CERT1: variants seen among roughly 807,000 people sequenced by gnomAD.
CERT1 encodes ceramide transporter 1.
A neutral mutation model predicts 87.9 loss-of-function variants in CERT1; 31 were observed. That is an observed-to-expected ratio of 0.35 (90% CI 0.27 to 0.48). The LOEUF is 0.48. Among genes scored for constraint, CERT1 ranks in the 20% least tolerant of loss-of-function variants. CERT1 has a pLI of 0.99. For missense variants in CERT1, 487 were observed against 758.0 expected (o/e 0.64, Z 4.20); for synonymous variants, 289 against 250.9 (o/e 1.15, Z -1.44).
chr5:75,457,307 T>A (rs1765025036), intron 3 of CERT1, among the ~76,000 whole-genome samples: 1 of 152,206 alleles, frequency 6.6e-6, no homozygotes, highest in Non-Finnish European at 1.5e-5. Flanking sequence ...ATCTCATTTA[T>A]GTCTTACTAC....
At chr5:75,370,627 C>G (rs927453817) in intron 17 of CERT1, 2 of 151,968 alleles carry the variant, frequency 1.3e-5, no homozygotes, top group Non-Finnish European at 2.9e-5. Flanking sequence ...ATGTCATGTA[C>G]TTGATATATT....
chr5:75,393,485 A>C (rs1482238493), intron 11 of CERT1, among the ~76,000 whole-genome samples: 3 of 151,370 alleles, frequency 2.0e-5, no homozygotes, highest in Non-Finnish European at 4.4e-5. Context: ...TGATAGTACA[A>C]TAAAAGTCTA....
intron 3 of CERT1, among the ~76,000 whole-genome samples, chr5:75,429,007 A>C (rs72633967): frequency 0.12 from 18,798 of 151,714 alleles, 1,292 homozygotes; most frequent in East Asian, 0.23. Context: ...TAAGTGACAG[A>C]AATTCAATGT....
chr5:75,437,660 G>T (rs1012631967), intron 3 of CERT1, among the ~76,000 whole-genome samples: 1 of 151,610 alleles, frequency 6.6e-6, no homozygotes, highest in Admixed American at 6.6e-5. Flanking sequence ...CAGCTACTTG[G>T]GAGGCTGAGG....
intron 3 of CERT1, among the ~76,000 whole-genome samples, chr5:75,437,143 C>A (rs1020754355): frequency 1.1e-4 from 16 of 152,110 alleles, no homozygotes; most frequent in Non-Finnish European, 2.4e-4. Context: ...ATTAATGAGT[C>A]TTAAACAGAG....
intron 11 of CERT1, among the ~76,000 whole-genome samples, chr5:75,395,124 T>G (rs1762193279): frequency 1.3e-5 from 2 of 152,296 alleles, no homozygotes; most frequent in South Asian, 4.1e-4. Flanking sequence ...TCCCCATAGA[T>G]TAAGCTGCAA....
chr5:75,474,049 A>G (rs1765841871), intron 2 of CERT1, among the ~76,000 whole-genome samples: 1 of 152,200 alleles, frequency 6.6e-6, no homozygotes, highest in Non-Finnish European at 1.5e-5. Context: ...CCAAAACTGG[A>G]CATGGGCCTG....
At chr5:75,387,044 T>A (rs1245196665) in intron 12 of CERT1, among the ~76,000 whole-genome samples, 3 of 152,120 alleles carry the variant, frequency 2.0e-5, no homozygotes, top group Non-Finnish European at 2.9e-5. Flanking sequence ...ATTTTTGGTA[T>A]TTTTAGTAGA....
chr5:75,479,155 T>G (rs577160724), intron 2 of CERT1, among the ~76,000 whole-genome samples: 2 of 152,126 alleles, frequency 1.3e-5, no homozygotes, highest in African/African-American at 2.4e-5. Context: ...TGCTAGCTGA[T>G]AAACTCTGCA....
At chr5:75,453,150 G>A (rs1580791623) in intron 3 of CERT1, among the ~76,000 whole-genome samples, 2 of 152,244 alleles carry the variant, frequency 1.3e-5, no homozygotes, top group Admixed American at 1.3e-4. Context: ...TTCTAGAATG[G>A]ATGCCAAGGA....
intron 3 of CERT1, among the ~76,000 whole-genome samples, chr5:75,428,554 T>A (rs1302781399): frequency 6.6e-6 from 1 of 151,940 alleles, no homozygotes; most frequent in Non-Finnish European, 1.5e-5. Flanking sequence ...GGCGGGCGCC[T>A]GTAGTCCCAG....
At chr5:75,434,660 T>C (rs1764015730) in intron 3 of CERT1, among the ~76,000 whole-genome samples, 1 of 151,860 alleles carries the variant, frequency 6.6e-6, no homozygotes, top group African/African-American at 2.4e-5. Flanking sequence ...TTTTAATTAC[T>C]GATTCCATTT....
chr5:75,452,841 C>A (rs1764819138), intron 3 of CERT1, among the ~76,000 whole-genome samples: 1 of 152,126 alleles, frequency 6.6e-6, no homozygotes, highest in South Asian at 2.1e-4. Flanking sequence ...AAAACCCTAT[C>A]TTTAAAAATA....
chr5:75,428,259 A>C (rs553606699), intron 3 of CERT1, among the ~76,000 whole-genome samples: 1 of 152,268 alleles, frequency 6.6e-6, no homozygotes, highest in East Asian at 1.9e-4. Context: ...ATTTACCTTA[A>C]CTTTAATATT....
At chr5:75,462,105 T>A (rs920352978) in intron 2 of CERT1, among the ~76,000 whole-genome samples, 1 of 152,210 alleles carries the variant, frequency 6.6e-6, no homozygotes, top group African/African-American at 2.4e-5. Context: ...AATTTTGTGA[T>A]TGAGGTAAGT....
intron 3 of CERT1, among the ~76,000 whole-genome samples, chr5:75,452,133 G>C (rs1277245570): frequency 1.3e-5 from 2 of 152,132 alleles, no homozygotes; most frequent in African/African-American, 2.4e-5. Context: ...ACATGAATTT[G>C]GCCTTCACAA....
chr5:75,495,790 T>G (rs993473511), intron 2 of CERT1, among the ~76,000 whole-genome samples: 1 of 151,794 alleles, frequency 6.6e-6, no homozygotes, highest in Admixed American at 6.6e-5. Flanking sequence ...TAGAAAAAAG[T>G]AAATAATAAT....
rs749961490 is a variant in CERT1, at chr5:75,426,470, A to G, written c.357T>C (p.Ser119=). ...GCAAGCTGGATTCAGATCCATATCCAGATTCAGTCTAAAAAAAAAAGTAAA... is the reference window on the plus strand; with the variant it reads ...GCAAGCTGGATTCAGATCCATATCCGGATTCAGTCTAAAAAAAAAAGTAAA... ...IDAIEQHKTE[S]GYGSESSLRR... The change falls in exon 4 of 17, where the codon TCT becomes TCC. Residue 119 remains serine, a synonymous_variant. Coordinates refer to ENST00000643780, the MANE Select transcript of CERT1 (RefSeq NM_001379029.1). 6.2e-7 allele frequency: 1 copy of G among 1,608,454 alleles called. No individual in the cohort carries two copies. The highest frequency in any genetic ancestry group is 2.2e-5 in the East Asian group (1 of 44,840).
exon 18 of CERT1, chr5:75,368,515 C>T (rs772162845): frequency 5.3e-5 from 8 of 152,218 alleles, no homozygotes; most frequent in African/African-American, 9.6e-5. Context: ...GCTTTATTTC[C>T]TCAGTGGTCA....
Sources: gnomAD v4.1 joint callset for allele counts (sites outside exome capture counted in the v4.1 genomes callset) on GRCh38, gnomAD v4.1.1 for gene constraint, MANE v1.5 for transcripts, NCBI Gene and HGNC (gene_info 2026-07-23, HGNC 2026-07-21) for gene names.